CSMD1: variants seen among roughly 807,000 people sequenced by gnomAD.
CSMD1 encodes the protein CUB and sushi domain-containing protein 1.
In CSMD1, 213 loss-of-function variants were observed where a neutral mutation model predicts 417.5. The observed-to-expected ratio is 0.51, with a 90% CI of 0.46 to 0.57. CSMD1 has a LOEUF of 0.57. CSMD1 is among the 20% of genes least tolerant of loss of function. The pLI, the probability that CSMD1 is intolerant of heterozygous loss-of-function variation, is 0.00. For missense variants in CSMD1, 6,923 were observed against 4,529.7 expected, an observed-to-expected ratio of 1.53 and a Z score of -15.17; for synonymous variants, 2,862 against 1,736.8, an observed-to-expected ratio of 1.65 and a Z score of -16.11.
At chr8:4,826,325 A>G (rs1799824344) in intron 1 of CSMD1, among the ~76,000 whole-genome samples, 1 of 152,150 alleles carries the variant, frequency 6.6e-6, no homozygotes, top group South Asian at 2.1e-4. Context: ...GTGTGTGTAT[A>G]TATACATATA....
chr8:3,395,031 T>C (rs1345721954), intron 17 of CSMD1, among the ~76,000 whole-genome samples: 1 of 152,104 alleles, frequency 6.6e-6, no homozygotes, highest in Non-Finnish European at 1.5e-5. Context: ...AGGTTGTTAA[T>C]TTAAATGTGC....
At chr8:3,957,630 A>T (rs1013364187) in intron 5 of CSMD1, among the ~76,000 whole-genome samples, 5 of 152,134 alleles carry the variant, frequency 3.3e-5, no homozygotes, top group African/African-American at 1.2e-4. Flanking sequence ...GTTGCAGTGA[A>T]CTATAGTCAT....
chr8:2,968,442 T>A (rs1248484703), intron 57 of CSMD1, among the ~76,000 whole-genome samples: 1 of 152,158 alleles, frequency 6.6e-6, no homozygotes, highest in African/African-American at 2.4e-5. Flanking sequence ...CGATGAAAAA[T>A]TTCAATTCAG....
chr8:4,480,195 A>AAAC (rs1200910505), intron 2 of CSMD1, among the ~76,000 whole-genome samples: 5 of 151,434 alleles, frequency 3.3e-5, no homozygotes, highest in African/African-American at 1.2e-4. Context: ...CACAAAAAAA[A>AAAC]AAAAACAAAA....
chr8:4,977,558 G>T (rs533388144), intron 1 of CSMD1, among the ~76,000 whole-genome samples: 1 of 152,168 alleles, frequency 6.6e-6, no homozygotes, highest in East Asian at 1.9e-4. Flanking sequence ...GCGCACAGTG[G>T]CTGGCTCCAG....
At chr8:4,593,363 T>C (rs916354913) in intron 2 of CSMD1, among the ~76,000 whole-genome samples, 2 of 152,222 alleles carry the variant, frequency 1.3e-5, no homozygotes, top group African/African-American at 2.4e-5. Context: ...ATTGTCATGA[T>C]AAAAAATTAA....
intron 3 of CSMD1, among the ~76,000 whole-genome samples, chr8:4,416,002 A>C (rs185989650): frequency 3.1e-4 from 47 of 152,268 alleles, no homozygotes; most frequent in African/African-American, 8.9e-4. Context: ...CACTTTCTCT[A>C]CGTGATAATA....
At chr8:3,388,810 G>A (rs1460266259) in intron 17 of CSMD1, among the ~76,000 whole-genome samples, 1 of 151,864 alleles carries the variant, frequency 6.6e-6, no homozygotes, top group Admixed American at 6.6e-5. Flanking sequence ...TCTGCCAGAG[G>A]CAACGTGGAT....
chr8:4,893,931 G>T (rs971875981), intron 1 of CSMD1, among the ~76,000 whole-genome samples: 1 of 151,968 alleles, frequency 6.6e-6, no homozygotes, highest in South Asian at 2.1e-4. Context: ...GCAAAATGTT[G>T]GTTTAAATGT....
At chr8:4,562,016 A>G (rs568376691) in intron 2 of CSMD1, among the ~76,000 whole-genome samples, 1 of 152,304 alleles carries the variant, frequency 6.6e-6, no homozygotes, top group South Asian at 2.1e-4. Flanking sequence ...GAAAATAAAT[A>G]AATAGAAAAG....
chr8:4,889,750 A>T (rs958206133), intron 1 of CSMD1, among the ~76,000 whole-genome samples: 11 of 152,116 alleles, frequency 7.2e-5, no homozygotes, highest in African/African-American at 2.7e-4. Flanking sequence ...TTTTTGACAC[A>T]TTATATTTTA....
intron 5 of CSMD1, among the ~76,000 whole-genome samples, chr8:3,767,984 T>C (rs992352918): frequency 6.6e-6 from 1 of 152,220 alleles, no homozygotes. Flanking sequence ...TTTAAATATT[T>C]CATATGTCTT....
intron 3 of CSMD1, among the ~76,000 whole-genome samples, chr8:4,339,525 G>C (rs1441430152): frequency 6.6e-6 from 1 of 152,056 alleles, no homozygotes; most frequent in African/African-American, 2.4e-5. Context: ...TTCAATTTCA[G>C]TCCTACATTT....
chr8:4,812,299 A>G (rs997744814), intron 1 of CSMD1, among the ~76,000 whole-genome samples: 3 of 152,172 alleles, frequency 2.0e-5, no homozygotes, highest in East Asian at 1.9e-4. Flanking sequence ...TTTTTCTCCC[A>G]GTTTGGGATA....
At chr8:4,862,435 G>C (rs1489485136) in intron 1 of CSMD1, among the ~76,000 whole-genome samples, 4 of 152,042 alleles carry the variant, frequency 2.6e-5, no homozygotes, top group South Asian at 2.1e-4. Flanking sequence ...CTCTGTGTTG[G>C]GTAGAGGCAT....
intron 3 of CSMD1, among the ~76,000 whole-genome samples, chr8:4,189,334 T>A (rs981005253): frequency 4.6e-5 from 7 of 152,198 alleles, no homozygotes; most frequent in Non-Finnish European, 8.8e-5. Context: ...GTGCCAACTG[T>A]GTTTATTAGG....
intron 2 of CSMD1, among the ~76,000 whole-genome samples, chr8:4,628,428 A>G (rs1486730659): frequency 2.8e-5 from 2 of 70,430 alleles, no homozygotes; most frequent in African/African-American, 8.4e-5. Context: ...ACATATATAT[A>G]CACATATACA....
At position 4,546,263 on chromosome 8, in the gene CSMD1, C is replaced by G. The variant is rs1248925559; in HGVS notation, c.302+91079G>C. Among the ~76,000 whole-genome samples the G allele has an allele frequency of 3.3e-5, 5 of 152,218 alleles. No individual in the cohort carries two copies. The East Asian group carries it at 9.6e-4, about 29-fold the overall frequency. ...ACCACTTCTTTCCCTCTGGAGGGTCCTTTCCATGTTCTTTTCTGTCTTTTC... is the reference window on the plus strand; with the variant it reads ...ACCACTTCTTTCCCTCTGGAGGGTCGTTTCCATGTTCTTTTCTGTCTTTTC... On this transcript the variant is annotated intron_variant, in intron 2 of 69. Transcript: ENST00000635120.
At chr8:3,195,353 C>A (rs1044579699) in intron 33 of CSMD1, among the ~76,000 whole-genome samples, 19 of 152,034 alleles carry the variant, frequency 1.2e-4, no homozygotes, top group Non-Finnish European at 1.5e-5. Context: ...CCTCTCTTGG[C>A]CTCTGTTTTC....
Sources: gnomAD v4.1 joint callset for allele counts (sites outside exome capture counted in the v4.1 genomes callset) on GRCh38, gnomAD v4.1.1 for gene constraint, MANE v1.5 for transcripts, NCBI Gene and HGNC (gene_info 2026-07-23, HGNC 2026-07-21) for gene names.